Variants in CYGB observed in about 807,000 individuals in gnomAD.
The protein encoded by CYGB is histoglobin.
Under a neutral mutation model 20.7 loss-of-function variants are expected in CYGB, and 13 were observed. That is an observed-to-expected ratio of 0.63 (90% CI 0.41 to 1.00). The LOEUF (loss-of-function observed/expected upper bound fraction) is 1.00. Among genes scored for constraint, CYGB ranks in the 50% least tolerant of loss-of-function variants. The probability of loss-of-function intolerance (pLI) is 0.00; values close to 1 mark genes in which losing one functional copy is unlikely to be tolerated. For synonymous variants in CYGB, 93 were observed against 107.4 expected, an observed-to-expected ratio of 0.87 and a Z score of 0.83; for missense variants, 218 against 257.2, an observed-to-expected ratio of 0.85 and a Z score of 1.04.
chr17:76,547,985 TACACATTCACAC>T (rs1034547692), intron 1 of CYGB, among the ~76,000 whole-genome samples: 5 of 148,232 alleles, frequency 3.4e-5, no homozygotes, highest in African/African-American at 1.0e-4. Context: ...TACACATACA[TACACATTCACAC>T]ACACATTCAC....
At position 76,531,220 on chromosome 17, in the gene CYGB, G is replaced by A. The variant is rs927145741; in HGVS notation, c.376-78C>T. The A allele has an allele frequency of 4.1e-6, 6 of 1,448,632 alleles. No homozygotes were observed. The highest frequency in any genetic ancestry group is 2.0e-5 in the Admixed American group (1 of 50,972). The allele number at this position is 1,448,632 out of a possible 1,614,324, so 89.7% of individuals were successfully genotyped here. A position where few individuals can be genotyped will look rare whatever the true frequency, so the allele number is the denominator to read the frequency against. On this transcript the variant is annotated intron_variant, in intron 2 of 3. Coordinates refer to ENST00000293230, the MANE Select transcript of CYGB (RefSeq NM_134268.5). This position sits in a 1 kb window ranked among gnomAD's most constrained non-coding sequence, Gnocchi z 7.4. ...CAACCCCCAGGCCCCTCCGCCCCAC[G>A]TGTGGCCGAGAGGATCATTCCTAAC...
chr17:76,543,791 G>A (rs1402075621), intron 1 of CYGB: 1 of 470,814 alleles, frequency 2.1e-6, no homozygotes, highest in East Asian at 6.9e-5. Context: ...TGTGTCATTT[G>A]CCTTTCCCCA....
intron 1 of CYGB, among the ~76,000 whole-genome samples, chr17:76,547,740 TACACAA>T (rs1238860026): frequency 2.9e-5 from 4 of 135,782 alleles, no homozygotes; most frequent in African/African-American, 8.5e-5. Context: ...CACACACACA[TACACAA>T]ACACAGTCAT....
chr17:76,544,217 G>A lies in CYGB; in HGVS notation c.-53+6645C>T, dbSNP rs752862392. On this transcript the variant is annotated intron_variant, in intron 1 of 3. Coordinates refer to the CYGB transcript ENST00000589145. ...ACCCCCCGTGCCTCTGTGCACACGC[G>A]TCTCTCCTCCCCAGCCAGCCCCCCT... is the stretch of plus-strand genomic sequence containing the variant. The A allele has an allele frequency of 1.6e-4, 73 of 454,352 alleles. 1 individual carries two copies. Among genetic ancestry groups the A allele is most frequent in the South Asian group, 9.9e-4 (64 of 64,478 alleles). 28.1% of individuals were successfully genotyped at this position (454,352 alleles called of 1,614,324 possible). A position where few individuals can be genotyped will look rare whatever the true frequency, so the allele number is the denominator to read the frequency against.
At chr17:76,540,486 C>G (rs1166392914), upstream of CYGB, 2 of 1,613,248 alleles carry the variant, frequency 1.2e-6, no homozygotes, top group Admixed American at 3.3e-5. The surrounding 1 kb of genome is among the most constrained non-coding windows in gnomAD (Gnocchi z 5.0). Flanking sequence ...CTCTTCCTCC[C>G]TACTCTTGCC....
Position 76,537,397 on chromosome 17 carries a change from T to A in CYGB, c.143+3A>T. On this transcript the variant is annotated splice_donor_region_variant and intron_variant, in intron 1 of 3. Coordinates refer to ENST00000293230, the MANE Select transcript of CYGB (RefSeq NM_134268.5). ...GGGCCCGGCCGGGCCGGGCGACACCTACCTCACCAGGATGGCCACCCCCAC... is the reference window on the plus strand; with the variant it reads ...GGGCCCGGCCGGGCCGGGCGACACCAACCTCACCAGGATGGCCACCCCCAC... 1 of 1,589,908 alleles carries A rather than the reference T, an allele frequency of 6.3e-7. No homozygotes were observed. The highest frequency in any genetic ancestry group is 8.6e-7 in the Non-Finnish European group (1 of 1,168,896).
At chr17:76,542,654 G>A (rs369916286), upstream of CYGB, 122 of 1,520,470 alleles carry the variant, frequency 8.0e-5, 2 homozygotes, top group Middle Eastern at 6.9e-4. Context: ...GCTGGGAGCC[G>A]GGGAGGGCAG....
At chr17:76,529,807 C>G (rs2074813422) in intron 3 of CYGB, 3 of 985,350 alleles carry the variant, frequency 3.0e-6, no homozygotes, top group Middle Eastern at 5.2e-4. Context: ...CATTGACTCC[C>G]AGGTCTCAGG....
At chr17:76,550,633 C>T (rs552929920) in intron 1 of CYGB, 6 of 152,350 alleles carry the variant, frequency 3.9e-5, no homozygotes, top group Middle Eastern at 3.4e-3. Context: ...GGTCTATACA[C>T]TTATTGGACT....
At chr17:76,545,198 C>T in intron 1 of CYGB, 1 of 456,806 alleles carries the variant, frequency 2.2e-6, no homozygotes, top group South Asian at 1.5e-5. Flanking sequence ...GCAGTCTGCA[C>T]ATTTGCAGCT....
Position 76,530,316 on chromosome 17 carries a change from C to G in CYGB, c.539+663G>C, listed in dbSNP as rs1484525896. On this transcript the variant is annotated intron_variant, in intron 3 of 3. Transcript: ENST00000293230. This position sits in a 1 kb window ranked among gnomAD's most constrained non-coding sequence, Gnocchi z 6.1. Reference sequence around the variant, plus strand: ...CACATCTGGGGGCTAGCCCTCCCCTCACGCTCCGAGTCAGCAGGAGTCACA... The same window carrying G: ...CACATCTGGGGGCTAGCCCTCCCCTGACGCTCCGAGTCAGCAGGAGTCACA... Among the ~76,000 whole-genome samples, 5 of 152,088 alleles carry G rather than the reference C, an allele frequency of 3.3e-5. No homozygotes were observed. Among genetic ancestry groups the G allele is most frequent in the Admixed American group, 3.3e-4 (5 of 15,276 alleles).
intron 1 of CYGB, chr17:76,543,092 G>A (rs1245034489): frequency 2.1e-6 from 1 of 471,462 alleles, no homozygotes; most frequent in Non-Finnish European, 4.4e-6. Flanking sequence ...GCGGCAAGAG[G>A]GAGAATGGGG....
rs140651662 is a variant in CYGB, at chr17:76,535,057, C to T, written c.143+2343G>A. Among the ~76,000 whole-genome samples, 417 of 152,346 alleles carry T rather than the reference C, an allele frequency of 2.7e-3. 2 individuals are homozygous for T. The highest frequency in any genetic ancestry group is 8.7e-3 in the Admixed American group (133 of 15,296). ...TGTCTGAGTGTGAGGAGGAAGGTGT[C>T]AGAGTTACAACCAGCAGGGAGGGTG... is the stretch of plus-strand genomic sequence containing the variant. On this transcript the variant is annotated intron_variant, in intron 1 of 3. Transcript: ENST00000293230.
upstream of CYGB, chr17:76,538,438 C>T (rs2074948787): frequency 6.5e-6 from 3 of 464,248 alleles, no homozygotes; most frequent in South Asian, 3.1e-5. Context: ...CCAGCACCTC[C>T]ATGCCCTCGG....
At chr17:76,535,823 C>T (rs759232441) in intron 1 of CYGB, among the ~76,000 whole-genome samples, 12 of 152,178 alleles carry the variant, frequency 7.9e-5, no homozygotes, top group South Asian at 2.1e-4. Context: ...ATGATGTGGA[C>T]GGTGAGCACT....
upstream of CYGB, chr17:76,540,242 G>T: frequency 6.8e-7 from 1 of 1,480,314 alleles, no homozygotes; most frequent in East Asian, 2.4e-5. This position sits in a 1 kb window ranked among gnomAD's most constrained non-coding sequence, Gnocchi z 5.0. Context: ...GCTATGGCTG[G>T]CGGTTGGTCG....
In CYGB at chr17:76,537,551, C is replaced by T; in HGVS notation, c.-9G>A. ...CCTGGCACTTTCTCCATGAGCAGCT[C>T]CAAGCCCAGCCCGGCTTTGCTCGGC... On this transcript the variant is annotated 5_prime_UTR_variant, in exon 1 of 4. Transcript: ENST00000293230. The T allele has an allele frequency of 6.9e-7, 1 of 1,439,874 alleles. No individual in the cohort carries two copies. Among genetic ancestry groups the T allele is most frequent in the Non-Finnish European group, 9.2e-7 (1 of 1,085,618 alleles). The allele number at this position is 1,439,874 out of a possible 1,614,324, so 89.2% of individuals were successfully genotyped here. A position where few individuals can be genotyped will look rare whatever the true frequency, so the allele number is the denominator to read the frequency against.
At chr17:76,543,341 A>AT (rs2075014429) in intron 1 of CYGB, 1 of 342,342 alleles carries the variant, frequency 2.9e-6, no homozygotes, top group African/African-American at 2.1e-5. Context: ...CACCAGGCTA[A>AT]TTCTGGGGCA....
chr17:76,537,719 T>C (rs1036448269), upstream of CYGB: 54 of 331,116 alleles, frequency 1.6e-4, no homozygotes, highest in African/African-American at 1.1e-3. Context: ...TGTGTGTGCG[T>C]GCGTGTGTGC....
Sources: allele counts gnomAD v4.1 joint callset (sites outside exome capture counted in the v4.1 genomes callset), GRCh38; gene constraint gnomAD v4.1.1; non-coding constraint Gnocchi (gnomAD v3.1); transcripts MANE v1.5; gene names NCBI Gene and HGNC (gene_info 2026-07-23, HGNC 2026-07-21).